STRBP: variants seen among roughly 807,000 people sequenced by gnomAD.
The protein encoded by STRBP is spermatid perinuclear RNA binding protein.
In STRBP, 13 loss-of-function variants were observed where a neutral mutation model predicts 80.1. The observed-to-expected ratio is 0.16, with a 90% CI of 0.11 to 0.26. The LOEUF is 0.26. Among genes scored for constraint, STRBP ranks in the 10% least tolerant of loss-of-function variants. STRBP has a pLI of 1.00. For missense variants in STRBP, 485 were observed against 815.2 expected, an observed-to-expected ratio of 0.59 and a Z score of 4.93; for synonymous variants, 284 against 291.2, an observed-to-expected ratio of 0.98 and a Z score of 0.25.
intron 1 of STRBP, among the ~76,000 whole-genome samples, chr9:123,255,866 T>C (rs1338227194): frequency 6.6e-5 from 10 of 152,130 alleles, no homozygotes; most frequent in Non-Finnish European, 1.3e-4. Context: ...ATTTTCCTCC[T>C]GATCTCACTT....
At chr9:123,191,207 G>A (rs1242334445) in intron 2 of STRBP, among the ~76,000 whole-genome samples, 1 of 152,188 alleles carries the variant, frequency 6.6e-6, no homozygotes, top group Non-Finnish European at 1.5e-5. Flanking sequence ...TGGAGAGGGA[G>A]TGCCATTTTA....
chr9:123,179,216 T>C lies in STRBP; in HGVS notation c.15A>G (p.Arg5=). The change falls in exon 4 of 19, where the codon CGA becomes CGG. Residue 5 remains arginine, a synonymous_variant. Coordinates refer to ENST00000348403, the MANE Select transcript of STRBP (RefSeq NM_018387.5). The stretch of plus-strand genomic sequence containing the variant: ...CATGGCGATCATCATTAGCAAAAGA[T>C]CGAATAGATCTCTGTTAGAAGGAGA... MRSI[R]SFANDDRHVM... 6.2e-7 allele frequency: 1 copy of C among 1,605,602 alleles called. No homozygotes were observed. The highest frequency in any genetic ancestry group is 8.5e-7 in the Non-Finnish European group (1 of 1,172,884).
At chr9:123,266,227 T>C (rs1053398871) in intron 1 of STRBP, among the ~76,000 whole-genome samples, 7 of 152,116 alleles carry the variant, frequency 4.6e-5, no homozygotes, top group Non-Finnish European at 1.0e-4. Context: ...CAAACCAATA[T>C]GCTAGGATGA....
downstream of STRBP, among the ~76,000 whole-genome samples, chr9:123,120,289 T>C (rs1478467606): frequency 2.7e-5 from 4 of 150,792 alleles, no homozygotes; most frequent in Non-Finnish European, 5.9e-5. Flanking sequence ...GTATAGAGTA[T>C]GAGTTTGAAT....
chr9:123,157,371 T>C (rs2037333732), intron 11 of STRBP, among the ~76,000 whole-genome samples: 1 of 152,310 alleles, frequency 6.6e-6, no homozygotes, highest in South Asian at 2.1e-4. Context: ...TCTGAAAGTA[T>C]AGTCTATGCA....
chr9:123,194,795 C>T (rs971810566), intron 2 of STRBP, among the ~76,000 whole-genome samples: 4 of 152,162 alleles, frequency 2.6e-5, no homozygotes, highest in African/African-American at 7.2e-5. Flanking sequence ...CTACACTTTA[C>T]TCCCCTTGGC....
At chr9:123,249,394 C>T (rs143117840) in intron 1 of STRBP, among the ~76,000 whole-genome samples, 58 of 151,322 alleles carry the variant, frequency 3.8e-4, no homozygotes, top group African/African-American at 1.1e-3. Context: ...AATAAAAATA[C>T]GCTTTGGAAG....
intron 2 of STRBP, among the ~76,000 whole-genome samples, chr9:123,214,128 A>G (rs556632313): frequency 1.2e-4 from 17 of 137,018 alleles, no homozygotes; most frequent in Admixed American, 5.7e-4. Flanking sequence ...AGTGTGGTGT[A>G]TATATATATA....
chr9:123,187,643 TTTAA>T (rs1159519087), intron 2 of STRBP, among the ~76,000 whole-genome samples: 3 of 152,186 alleles, frequency 2.0e-5, no homozygotes, highest in African/African-American at 7.2e-5. Flanking sequence ...TGTGTCACTT[TTTAA>T]TTGAGCACTT....
chr9:123,253,687 T>C (rs1335808379), intron 1 of STRBP, among the ~76,000 whole-genome samples: 6 of 152,252 alleles, frequency 3.9e-5, no homozygotes, highest in African/African-American at 1.4e-4. Context: ...TCAGCATTAT[T>C]ATTCATTATG....
chr9:123,165,233 A>C (rs570666671), intron 6 of STRBP, among the ~76,000 whole-genome samples: 1 of 148,872 alleles, frequency 6.7e-6, no homozygotes, highest in South Asian at 2.1e-4. Flanking sequence ...GTGAGCCGAG[A>C]TCGCACCACT....
chr9:123,133,919 C>G (rs1419854254), intron 16 of STRBP, among the ~76,000 whole-genome samples: 1 of 152,146 alleles, frequency 6.6e-6, no homozygotes, highest in Non-Finnish European at 1.5e-5. Flanking sequence ...AATCTCCCCA[C>G]TAATTAAAAA....
intron 1 of STRBP, among the ~76,000 whole-genome samples, chr9:123,261,084 A>G (rs2041151344): frequency 2.0e-5 from 3 of 152,214 alleles, no homozygotes; most frequent in Non-Finnish European, 2.9e-5. Flanking sequence ...TCTCATAGCT[A>G]AATCTTATAG....
intron 16 of STRBP, 48 bp downstream of exon 16, chr9:123,135,993 C>A: frequency 2.5e-6 from 4 of 1,598,812 alleles, no homozygotes; most frequent in Non-Finnish European, 1.7e-6. Flanking sequence ...AATTTAATTC[C>A]TCTAACATTT....
At chr9:123,121,411 A>G (rs2035730366), downstream of STRBP, 1 of 152,240 alleles carries the variant, frequency 6.6e-6, no homozygotes, top group South Asian at 2.1e-4. Flanking sequence ...ACATCTTTAC[A>G]TGAACTCCAT....
At chr9:123,226,375 T>A (rs2040237307) in intron 2 of STRBP, among the ~76,000 whole-genome samples, 1 of 152,224 alleles carries the variant, frequency 6.6e-6, no homozygotes, top group South Asian at 2.1e-4. Context: ...TATACGTCAA[T>A]AAAAATGACT....
At chr9:123,226,150 G>T in intron 2 of STRBP, among the ~76,000 whole-genome samples, 1 of 152,156 alleles carries the variant, frequency 6.6e-6, no homozygotes, top group Non-Finnish European at 1.5e-5. Context: ...AAGCACAGAG[G>T]CTAAATGAAA....
intron 2 of STRBP, among the ~76,000 whole-genome samples, chr9:123,232,331 A>G (rs1588137344): frequency 6.6e-6 from 1 of 151,958 alleles, no homozygotes; most frequent in South Asian, 2.1e-4. Flanking sequence ...AAACAAAAAA[A>G]CCTTAGCCGA....
chr9:123,174,005 G>A (rs183203546), intron 4 of STRBP, among the ~76,000 whole-genome samples, 163 bp from the exon 5 acceptor site: 4 of 152,280 alleles, frequency 2.6e-5, no homozygotes, highest in African/African-American at 7.2e-5. Context: ...GGCTTATAAA[G>A]TATCTATCTT....
Sources: allele counts gnomAD v4.1 joint callset (sites outside exome capture counted in the v4.1 genomes callset), GRCh38; gene constraint gnomAD v4.1.1; transcripts MANE v1.5; gene names NCBI Gene and HGNC (gene_info 2026-07-23, HGNC 2026-07-21).